The following OLA1 variants were observed in gnomAD, a reference collection of about 807,000 sequenced individuals.
OLA1 encodes obg-like ATPase 1.
A neutral mutation model predicts 48.4 loss-of-function variants in OLA1; 14 were observed. That is an observed-to-expected ratio of 0.29 (90% CI 0.19 to 0.45). OLA1 has a LOEUF of 0.45. Among genes scored for constraint, OLA1 ranks in the 20% least tolerant of loss-of-function variants. The pLI is 1.00. For missense variants in OLA1, 325 were observed against 467.1 expected, an observed-to-expected ratio of 0.70 and a Z score of 2.80; for synonymous variants, 127 against 150.4, an observed-to-expected ratio of 0.84 and a Z score of 1.14.
At chr2:174,197,537 G>A (rs1240529714) in intron 4 of OLA1, among the ~76,000 whole-genome samples, 1 of 152,032 alleles carries the variant, frequency 6.6e-6, no homozygotes, top group Admixed American at 6.5e-5. Context: ...TGAAGCCCAG[G>A]GGGGAAAATT....
intron 5 of OLA1, among the ~76,000 whole-genome samples, chr2:174,124,580 G>T (rs920548859): frequency 2.6e-5 from 4 of 152,176 alleles, no homozygotes; most frequent in African/African-American, 9.7e-5. Context: ...TTAATAAAAG[G>T]CTCTGGGGTC....
chr2:174,075,889 G>A (rs1684724645), intron 10 of OLA1, among the ~76,000 whole-genome samples: 1 of 152,082 alleles, frequency 6.6e-6, no homozygotes, highest in Non-Finnish European at 1.5e-5. Context: ...AAACCAGGCA[G>A]AAAGAAAAAG....
At chr2:174,205,300 C>T (rs1460074790) in intron 4 of OLA1, among the ~76,000 whole-genome samples, 1 of 151,938 alleles carries the variant, frequency 6.6e-6, no homozygotes, top group African/African-American at 2.4e-5. Context: ...GGGAAAAAAA[C>T]AAGTTAGGAA....
At chr2:174,217,676 C>G (rs923526005) in intron 4 of OLA1, among the ~76,000 whole-genome samples, 29 of 152,124 alleles carry the variant, frequency 1.9e-4, no homozygotes, top group Non-Finnish European at 2.8e-4. Flanking sequence ...CCTCACAGCC[C>G]TTTATAATCC....
At chr2:174,127,144 AT>A (rs112591946) in intron 5 of OLA1, among the ~76,000 whole-genome samples, 3,755 of 152,304 alleles carry the variant, frequency 0.025, 150 homozygotes, top group African/African-American at 0.084. Context: ...ACTGTAATGT[AT>A]TTAGACTCAC....
At chr2:174,169,001 C>T (rs1188388183) in intron 4 of OLA1, among the ~76,000 whole-genome samples, 2 of 151,874 alleles carry the variant, frequency 1.3e-5, no homozygotes, top group African/African-American at 4.8e-5. Context: ...CCCTGTTGCC[C>T]AGGCTGGAGT....
intron 4 of OLA1, among the ~76,000 whole-genome samples, chr2:174,155,730 T>C (rs760882110): frequency 4.6e-5 from 7 of 151,900 alleles, no homozygotes; most frequent in South Asian, 2.1e-4. Flanking sequence ...CCAATGAATG[T>C]AGCAATAAAA....
At chr2:174,212,512 T>C (rs1029719888) in intron 4 of OLA1, among the ~76,000 whole-genome samples, 2 of 152,064 alleles carry the variant, frequency 1.3e-5, no homozygotes, top group Admixed American at 6.5e-5. Flanking sequence ...TTTATGTTAA[T>C]TTTTTTCTTC....
intron 2 of OLA1, among the ~76,000 whole-genome samples, chr2:174,236,934 C>T (rs1688865192): frequency 6.6e-6 from 1 of 152,188 alleles, no homozygotes; most frequent in Admixed American, 6.5e-5. Context: ...GACATTACTG[C>T]ACACTACTGT....
At chr2:174,102,710 A>G (rs945942403) in intron 7 of OLA1, among the ~76,000 whole-genome samples, 1 of 152,204 alleles carries the variant, frequency 6.6e-6, no homozygotes, top group Non-Finnish European at 1.5e-5. Flanking sequence ...TGAAAGGGAA[A>G]GCAGAAACTG....
intron 9 of OLA1, among the ~76,000 whole-genome samples, chr2:174,080,503 T>C (rs1035188347): frequency 6.6e-6 from 1 of 152,128 alleles, no homozygotes; most frequent in Non-Finnish European, 1.5e-5. Flanking sequence ...CAGTTTCTAT[T>C]GTCCTCTGGG....
chr2:174,080,661 C>A (rs1341578271), intron 9 of OLA1, among the ~76,000 whole-genome samples: 2 of 152,018 alleles, frequency 1.3e-5, no homozygotes, highest in Non-Finnish European at 2.9e-5. Context: ...TGAATTATTA[C>A]ACGTTGAGTT....
chr2:174,240,683 G>A (rs944895058), intron 2 of OLA1, among the ~76,000 whole-genome samples: 7 of 151,876 alleles, frequency 4.6e-5, no homozygotes, highest in Non-Finnish European at 7.4e-5. Flanking sequence ...CTGTCTTCTC[G>A]GTAGACATGG....
At chr2:174,224,731 C>G (rs1251479661) in intron 3 of OLA1, among the ~76,000 whole-genome samples, 3 of 152,310 alleles carry the variant, frequency 2.0e-5, no homozygotes, top group East Asian at 1.9e-4. Context: ...CCGTTTCACT[C>G]TGAACATGGA....
chr2:174,236,841 C>T (rs989139452), intron 2 of OLA1, among the ~76,000 whole-genome samples: 12 of 152,138 alleles, frequency 7.9e-5, no homozygotes, highest in South Asian at 2.1e-4. Context: ...TGAAATAGGA[C>T]GCTTACCATG....
At chr2:174,164,523 T>C (rs1024178679) in intron 4 of OLA1, among the ~76,000 whole-genome samples, 1 of 152,158 alleles carries the variant, frequency 6.6e-6, no homozygotes, top group African/African-American at 2.4e-5. Context: ...CTAACTCTCA[T>C]AATAGTGTGA....
intron 7 of OLA1, among the ~76,000 whole-genome samples, chr2:174,115,622 C>G (rs968758658): frequency 6.6e-6 from 1 of 152,104 alleles, no homozygotes; most frequent in Non-Finnish European, 1.5e-5. Flanking sequence ...CCATTATGCT[C>G]TACATCAACT....
At chr2:174,147,781 A>T (rs1334575643) in intron 4 of OLA1, among the ~76,000 whole-genome samples, 1 of 152,166 alleles carries the variant, frequency 6.6e-6, no homozygotes, top group Non-Finnish European at 1.5e-5. Context: ...TATAATAAAC[A>T]TGCATTGTTT....
At chr2:174,210,092 C>T (rs1688207976) in intron 4 of OLA1, among the ~76,000 whole-genome samples, 1 of 151,988 alleles carries the variant, frequency 6.6e-6, no homozygotes, top group Non-Finnish European at 1.5e-5. Context: ...AAATTAACAA[C>T]AATTTACATT....
Sources: gnomAD v4.1 joint callset for allele counts (sites outside exome capture counted in the v4.1 genomes callset) on GRCh38, gnomAD v4.1.1 for gene constraint, MANE v1.5 for transcripts, NCBI Gene and HGNC (gene_info 2026-07-23, HGNC 2026-07-21) for gene names.